Variants in CDH2 observed in about 807,000 individuals in gnomAD.
CDH2 encodes cadherin 2.
Under a neutral mutation model 92.0 loss-of-function variants are expected in CDH2, and 17 were observed. That is an observed-to-expected ratio of 0.18 (90% CI 0.13 to 0.28). CDH2 has a LOEUF of 0.28. CDH2 is among the 10% of genes least tolerant of loss of function. The probability of loss-of-function intolerance (pLI) is 1.00; values close to 1 mark genes in which losing one functional copy is unlikely to be tolerated. For synonymous variants in CDH2, 419 were observed against 415.9 expected (o/e 1.01, Z -0.09); for missense variants, 862 against 1,133.1 (o/e 0.76, Z 3.44).
At chr18:27,948,747 G>T (rs1317603891), downstream of CDH2, among the ~76,000 whole-genome samples, 1 of 151,822 alleles carries the variant, frequency 6.6e-6, no homozygotes, top group Non-Finnish European at 1.5e-5. Flanking sequence ...CTATCATAAT[G>T]GCAAAACTTT....
At chr18:28,103,417 T>C (rs2015265401) in intron 2 of CDH2, among the ~76,000 whole-genome samples, 1 of 141,630 alleles carries the variant, frequency 7.1e-6, no homozygotes. Context: ...TGTATATATA[T>C]AAAGTATACA....
intron 1 of CDH2, among the ~76,000 whole-genome samples, chr18:28,151,314 C>T (rs969164602): frequency 1.3e-5 from 2 of 152,152 alleles, no homozygotes; most frequent in Non-Finnish European, 2.9e-5. Flanking sequence ...GTCACAACTG[C>T]GAGGGGGTGC....
intron 6 of CDH2, 95 bp from the exon 7 acceptor site, chr18:28,003,264 C>T: frequency 1.1e-6 from 1 of 909,630 alleles, no homozygotes; most frequent in Non-Finnish European, 1.6e-6. Context: ...GTCTTATTTT[C>T]ACTTTTTAAA....
intron 2 of CDH2, among the ~76,000 whole-genome samples, chr18:28,055,111 G>A (rs2014266316): frequency 6.6e-6 from 1 of 152,116 alleles, no homozygotes; most frequent in East Asian, 1.9e-4. Flanking sequence ...CTTGGCTGAG[G>A]AGGCCTCAAA....
chr18:27,980,893 C>G (rs2012028044), intron 14 of CDH2, among the ~76,000 whole-genome samples: 1 of 151,412 alleles, frequency 6.6e-6, no homozygotes, highest in Non-Finnish European at 1.5e-5. Flanking sequence ...TTTAACAAAT[C>G]TTACAATAGA....
At chr18:28,024,060 G>A (rs1049848488) in intron 2 of CDH2, among the ~76,000 whole-genome samples, 1 of 146,632 alleles carries the variant, frequency 6.8e-6, no homozygotes, top group African/African-American at 2.5e-5. Context: ...ATCTCATAAA[G>A]AAGGATTCTT....
chr18:28,170,392 C>A (rs1470345109), intron 1 of CDH2, among the ~76,000 whole-genome samples: 1 of 152,144 alleles, frequency 6.6e-6, no homozygotes. Context: ...GTTGCCCAGG[C>A]TGGAGTGCAG....
At chr18:28,035,603 A>G (rs2013806511) in intron 2 of CDH2, among the ~76,000 whole-genome samples, 1 of 152,120 alleles carries the variant, frequency 6.6e-6, no homozygotes, top group Admixed American at 6.6e-5. Flanking sequence ...AAAAAAGGAG[A>G]CGTATGTAAC....
chr18:27,941,908 C>A (rs1305287655), intron 6 of CDH2, among the ~76,000 whole-genome samples: 1 of 152,158 alleles, frequency 6.6e-6, no homozygotes, highest in African/African-American at 2.4e-5. Flanking sequence ...TCTTCCAGAG[C>A]TGGCAATTAA....
intron 2 of CDH2, among the ~76,000 whole-genome samples, chr18:28,095,757 C>T (rs941680945): frequency 7.4e-6 from 1 of 135,840 alleles, no homozygotes; most frequent in African/African-American, 2.9e-5. Flanking sequence ...TTGCAGTGAG[C>T]TGAGATCATG....
intron 2 of CDH2, among the ~76,000 whole-genome samples, chr18:28,133,698 T>C (rs116422105): frequency 2.6e-3 from 396 of 152,262 alleles, no homozygotes; most frequent in African/African-American, 9.2e-3. Context: ...TGTTGCTTTC[T>C]AGTGCTTTCA....
intron 2 of CDH2, among the ~76,000 whole-genome samples, chr18:28,141,475 C>A (rs2015952493): frequency 6.6e-6 from 1 of 151,988 alleles, no homozygotes; most frequent in Non-Finnish European, 1.5e-5. Flanking sequence ...AGTGCCACTA[C>A]ACTGTTCATA....
intron 1 of CDH2, among the ~76,000 whole-genome samples, chr18:28,160,174 A>G (rs1234012731): frequency 6.6e-6 from 1 of 151,510 alleles, no homozygotes; most frequent in Non-Finnish European, 1.5e-5. Flanking sequence ...AAAAAAAAAC[A>G]GCAGGACCTC....
intron 2 of CDH2, among the ~76,000 whole-genome samples, chr18:28,070,810 A>C (rs2014602924): frequency 6.6e-6 from 1 of 152,182 alleles, no homozygotes; most frequent in African/African-American, 2.4e-5. Flanking sequence ...ATGGTAAACA[A>C]CACATCATGT....
At chr18:28,015,185 C>T (rs1371216325) in intron 2 of CDH2, among the ~76,000 whole-genome samples, 1 of 152,156 alleles carries the variant, frequency 6.6e-6, no homozygotes, top group African/African-American at 2.4e-5. Flanking sequence ...GTGCACACAG[C>T]CACATCTAAA....
intron 11 of CDH2, 29 bp from the exon 12 acceptor site, chr18:27,985,790 G>T: frequency 7.7e-7 from 1 of 1,307,064 alleles, no homozygotes; most frequent in Non-Finnish European, 1.1e-6. Context: ...CACAAATGAT[G>T]CTGAACAGTT....
At chr18:28,059,793 C>A (rs2014364421) in intron 2 of CDH2, among the ~76,000 whole-genome samples, 1 of 152,202 alleles carries the variant, frequency 6.6e-6, no homozygotes, top group African/African-American at 2.4e-5. Context: ...TATCTGAACA[C>A]ACACATACAC....
chr18:28,152,071 T>C (rs2016131562), intron 1 of CDH2, among the ~76,000 whole-genome samples: 1 of 152,296 alleles, frequency 6.6e-6, no homozygotes, highest in African/African-American at 2.4e-5. Flanking sequence ...ACAAAAATAA[T>C]GGCAGCAGGA....
intron 15 of CDH2, among the ~76,000 whole-genome samples, chr18:27,958,794 T>C (rs2011322469): frequency 6.6e-6 from 1 of 152,268 alleles, no homozygotes; most frequent in South Asian, 2.1e-4. Flanking sequence ...GTTACCCCTA[T>C]GCTGCCGCTC....
Sources: gnomAD v4.1 joint callset for allele counts (sites outside exome capture counted in the v4.1 genomes callset) on GRCh38, gnomAD v4.1.1 for gene constraint, MANE v1.5 for transcripts, NCBI Gene and HGNC (gene_info 2026-07-23, HGNC 2026-07-21) for gene names.